The following CHD2 variants were observed in gnomAD, a reference collection of about 807,000 sequenced individuals.
The protein encoded by CHD2 is ATP-dependent chromatin remodeler CHD2.
A neutral mutation model predicts 243.9 loss-of-function variants in CHD2; 28 were observed. The ratio of observed to expected loss-of-function variants is 0.11; its 90% confidence interval spans 0.09 to 0.16. CHD2 has a LOEUF of 0.16. CHD2 is among the 10% of genes least tolerant of loss of function. The pLI, the probability that CHD2 is intolerant of heterozygous loss-of-function variation, is 1.00. For synonymous variants in CHD2, 775 were observed against 779.0 expected, an observed-to-expected ratio of 0.99 and a Z score of 0.09; for missense variants, 1,386 against 2,209.8, an observed-to-expected ratio of 0.63 and a Z score of 7.47.
At chr15:93,011,325 A>G (rs1407732413) in intron 35 of CHD2, among the ~76,000 whole-genome samples, 1 of 152,250 alleles carries the variant, frequency 6.6e-6, no homozygotes, top group Non-Finnish European at 1.5e-5. Flanking sequence ...AAGAGTAGTC[A>G]GGAAGGAAGG....
At chr15:92,989,984 T>G (rs973252393) in intron 26 of CHD2, among the ~76,000 whole-genome samples, 1 of 152,274 alleles carries the variant, frequency 6.6e-6, no homozygotes, top group East Asian at 1.9e-4. Flanking sequence ...TTTTTCTTTT[T>G]GTCTTTGTTC....
At chr15:92,969,924 CT>C (rs1429196459) in intron 17 of CHD2, among the ~76,000 whole-genome samples, 20 of 140,610 alleles carry the variant, frequency 1.4e-4, no homozygotes, top group Non-Finnish European at 1.5e-4. Flanking sequence ...TTTGTTTTTA[CT>C]TTTTTTTTTG....
chr15:92,942,472 G>A (rs549016884), intron 8 of CHD2, among the ~76,000 whole-genome samples: 1 of 150,208 alleles, frequency 6.7e-6, no homozygotes, highest in Non-Finnish European at 1.5e-5. Flanking sequence ...CGGGGACTTC[G>A]AGTAGGGGAG....
chr15:92,946,280 C>G (rs1596399458), intron 12 of CHD2, 64 bp downstream of exon 12: 1 of 1,254,974 alleles, frequency 8.0e-7, no homozygotes, highest in East Asian at 2.4e-5. Context: ...GGATTGGACA[C>G]ATATGTGCTG....
At chr15:92,969,609 A>G (rs974140591) in intron 17 of CHD2, among the ~76,000 whole-genome samples, 2 of 152,238 alleles carry the variant, frequency 1.3e-5, no homozygotes, top group African/African-American at 4.8e-5. Flanking sequence ...CAACTGCAAC[A>G]AACATGGACA....
intron 18 of CHD2, 135 bp from the exon 19 acceptor site, chr15:92,972,130 G>A: frequency 2.8e-6 from 3 of 1,053,538 alleles, no homozygotes; most frequent in South Asian, 1.6e-5. Flanking sequence ...AACATTTCGG[G>A]AATTGCTGGT....
chr15:92,905,543 A>G (rs947680830), intron 2 of CHD2, among the ~76,000 whole-genome samples: 4 of 152,298 alleles, frequency 2.6e-5, no homozygotes, highest in East Asian at 3.8e-4. Flanking sequence ...TGTTACTTCA[A>G]AGGAGATGTT....
Position 93,027,001 on chromosome 15 carries a change from T to G in CHD2, c.*2296T>G, listed in dbSNP as rs2054591831. On this transcript the variant is annotated 3_prime_UTR_variant, in exon 39 of 39. Transcript: ENST00000394196. ...TCGTGAGGAAAAAGAAACTTCCTTT[T>G]GTTCACATTTAGGACTCTCAGTGCC... 1 of 152,664 alleles carries G rather than the reference T, an allele frequency of 6.6e-6. No individual in the cohort carries two copies. The highest frequency in any genetic ancestry group is 2.4e-5 in the African/African-American group (1 of 41,472). 9.5% of individuals were successfully genotyped at this position (152,664 alleles called of 1,614,324 possible).
At position 92,923,410 on chromosome 15, in the gene CHD2, A is replaced by AC. The variant is rs371269046; in HGVS notation, c.63-909dup. ...CGAGTAGCTGGGATCGCAGGCATGC[A>AC]CCATCATACCCAGCTAATTTAAACA... On this transcript the variant is annotated intron_variant, in intron 2 of 38. Coordinates refer to ENST00000394196, the MANE Select transcript of CHD2 (RefSeq NM_001271.4). Among the ~76,000 whole-genome samples, 570 of 151,890 alleles carry AC rather than the reference A, an allele frequency of 3.8e-3. 1 individual carries two copies. Among genetic ancestry groups the AC allele is most frequent in the Middle Eastern group, 0.01 (3 of 294 alleles).
At chr15:92,954,853 G>A (rs997865687) in intron 14 of CHD2, among the ~76,000 whole-genome samples, 1 of 152,102 alleles carries the variant, frequency 6.6e-6, no homozygotes, top group Non-Finnish European at 1.5e-5. Flanking sequence ...ATGAGTCTTC[G>A]TGCTTGCTGA....
intron 2 of CHD2, among the ~76,000 whole-genome samples, chr15:92,922,350 C>T (rs192998280): frequency 6.6e-6 from 1 of 152,224 alleles, no homozygotes; most frequent in East Asian, 1.9e-4. Flanking sequence ...AGTACTTAGC[C>T]TAGTGTCTGA....
At chr15:92,945,613 G>C (rs1187934799) in intron 10 of CHD2, 3 of 300,776 alleles carry the variant, frequency 1.0e-5, no homozygotes, top group Non-Finnish European at 1.9e-5. Flanking sequence ...GGCCAGGTTG[G>C]TCTTGAACTG....
chr15:92,958,703 T>G (rs1434034985), intron 16 of CHD2, among the ~76,000 whole-genome samples: 2 of 152,252 alleles, frequency 1.3e-5, no homozygotes, highest in African/African-American at 4.8e-5. Context: ...TTCAGTGGTA[T>G]GAAAGCAATA....
chr15:92,995,415 C>G (rs1052330058), intron 28 of CHD2, among the ~76,000 whole-genome samples: 1 of 152,136 alleles, frequency 6.6e-6, no homozygotes, highest in African/African-American at 2.4e-5. Flanking sequence ...GCCTTCTCTT[C>G]CTCCTTAATA....
chr15:93,024,759 G>A lies in CHD2; in HGVS notation c.*54G>A, dbSNP rs2141761991. ...GTCACCAAACACGTGGATATTTTTG[G>A]TCTGATCCTACAGTAGCCGGTTATC... On this transcript the variant is annotated 3_prime_UTR_variant, in exon 39 of 39. Transcript: ENST00000394196. 6.7e-7 allele frequency: 1 copy of A among 1,489,552 alleles called. No homozygotes were observed. Among genetic ancestry groups the A allele is most frequent in the African/African-American group, 1.4e-5 (1 of 71,542 alleles). 92.3% of individuals were successfully genotyped at this position (1,489,552 alleles called of 1,614,324 possible). A position where few individuals can be genotyped will look rare whatever the true frequency, so the allele number is the denominator to read the frequency against.
At chr15:92,988,058 C>T (rs768503763) in intron 26 of CHD2, among the ~76,000 whole-genome samples, 1 of 151,744 alleles carries the variant, frequency 6.6e-6, no homozygotes, top group Non-Finnish European at 1.5e-5. Context: ...TTTTATAATT[C>T]ATACTTTATA....
intron 2 of CHD2, among the ~76,000 whole-genome samples, chr15:92,917,509 C>T (rs778504988): frequency 1.8e-4 from 27 of 152,208 alleles, no homozygotes; most frequent in African/African-American, 2.2e-4. Flanking sequence ...TACGGTGAGC[C>T]GAGATCACGC....
At chr15:92,964,238 T>C (rs2053726573) in intron 16 of CHD2, among the ~76,000 whole-genome samples, 1 of 149,528 alleles carries the variant, frequency 6.7e-6, no homozygotes, top group African/African-American at 2.4e-5. Context: ...GATCTTTTTT[T>C]CTTTGAAAAT....
At chr15:93,010,684 G>A (rs1420830181) in intron 35 of CHD2, among the ~76,000 whole-genome samples, 5 of 152,096 alleles carry the variant, frequency 3.3e-5, no homozygotes, top group African/African-American at 7.2e-5. Flanking sequence ...TTGACCTCCC[G>A]AAATGCTGGG....
Sources: allele counts gnomAD v4.1 joint callset (sites outside exome capture counted in the v4.1 genomes callset), GRCh38; gene constraint gnomAD v4.1.1; transcripts MANE v1.5; gene names NCBI Gene and HGNC (gene_info 2026-07-23, HGNC 2026-07-21).